MAPK6: variants seen among roughly 807,000 people sequenced by gnomAD.
The protein encoded by MAPK6 is mitogen-activated protein kinase 6, also known as ERK-3.
In MAPK6, 19 loss-of-function variants were observed where a neutral mutation model predicts 59.3. The ratio of observed to expected loss-of-function variants is 0.32; its 90% CI spans 0.22 to 0.47. The LOEUF (loss-of-function observed/expected upper bound fraction) is 0.47. Among genes scored for constraint, MAPK6 ranks in the 20% least tolerant of loss-of-function variants. MAPK6 has a pLI of 1.00. For synonymous variants in MAPK6, 316 were observed against 290.3 expected, an observed-to-expected ratio of 1.09 and a Z score of -0.90; for missense variants, 724 against 847.9, an observed-to-expected ratio of 0.85 and a Z score of 1.81.
rs1330059043 is a variant in MAPK6, at chr15:51,977,211, C to T, written c.-880+5305C>T. Among the ~76,000 whole-genome samples, 7 of 151,482 alleles carry T rather than the reference C, an allele frequency of 4.6e-5. 1 individual carries two copies. Among genetic ancestry groups the T allele is most frequent in the Non-Finnish European group, 1.0e-4 (7 of 67,872 alleles). On this transcript the variant is annotated intron_variant, in intron 1 of 7. Coordinates refer to the MAPK6 transcript ENST00000691380. ...AGAGACGGGATTTCACCATATTGTC[C>T]AGGCTGGTCTCGAGCTCCTGAGCTC...
chr15:52,029,383 A>G (rs1279420668), intron 1 of MAPK6, among the ~76,000 whole-genome samples: 1 of 152,088 alleles, frequency 6.6e-6, no homozygotes, highest in African/African-American at 2.4e-5. Flanking sequence ...CTAAGACAGG[A>G]TAAAACTCCT....
upstream of MAPK6, among the ~76,000 whole-genome samples, chr15:52,016,839 A>G (rs1362732033): frequency 6.6e-6 from 1 of 152,094 alleles, no homozygotes; most frequent in East Asian, 1.9e-4. Flanking sequence ...AGGTCAGGAG[A>G]TCGAGACCAT....
chr15:51,992,287 C>A (rs1430537869), intron 2 of MAPK6, among the ~76,000 whole-genome samples: 1 of 102,428 alleles, frequency 9.8e-6, no homozygotes, highest in South Asian at 3.1e-4. Flanking sequence ...ATCTATCTAT[C>A]TATCTATATA....
intron 2 of MAPK6, among the ~76,000 whole-genome samples, chr15:52,000,748 C>T (rs777758883): frequency 5.3e-5 from 8 of 151,388 alleles, no homozygotes; most frequent in Middle Eastern, 3.4e-3. Context: ...TGCAGTGAGC[C>T]GAGATCACGC....
At chr15:51,998,686 A>AGTTTTTTTTTTTTT (rs2057233091) in intron 2 of MAPK6, among the ~76,000 whole-genome samples, 1 of 12,204 alleles carries the variant, frequency 8.2e-5, no homozygotes, top group African/African-American at 1.4e-4. Context: ...ATGCCTGGTT[A>AGTTTTTTTTTTTTT]ATTTTTTTTT....
chr15:52,054,108 C>G (rs1389973633), intron 3 of MAPK6, among the ~76,000 whole-genome samples: 1 of 151,898 alleles, frequency 6.6e-6, no homozygotes, highest in African/African-American at 2.4e-5. Flanking sequence ...TGGCTCACAC[C>G]TGTAATCCCA....
At chr15:51,971,878 G>T (rs550454993) in exon 1 of MAPK6, 4 of 941,664 alleles carry the variant, frequency 4.2e-6, no homozygotes, top group East Asian at 5.1e-5. Flanking sequence ...CCTAGTTTTC[G>T]CTCGCCCAGT....
intron 5 of MAPK6, 74 bp downstream of exon 5, chr15:52,061,574 AATTATGT>A: frequency 9.1e-7 from 1 of 1,102,208 alleles, no homozygotes; most frequent in Non-Finnish European, 1.3e-6. Flanking sequence ...GTTTTTTTAA[AATTATGT>A]ATAAGACATT....
intron 2 of MAPK6, among the ~76,000 whole-genome samples, chr15:51,992,828 T>C (rs1012812567): frequency 2.0e-5 from 3 of 152,108 alleles, no homozygotes; most frequent in African/African-American, 7.2e-5. Context: ...ATGGAGGAGA[T>C]GCATAGGGCA....
chr15:52,015,464 T>C (rs964215806), upstream of MAPK6, among the ~76,000 whole-genome samples: 2 of 150,952 alleles, frequency 1.3e-5, no homozygotes, highest in East Asian at 2.0e-4. Flanking sequence ...GAAATTTTTA[T>C]AGCCACAGAA....
chr15:52,028,376 C>T (rs549317451), intron 1 of MAPK6, among the ~76,000 whole-genome samples: 24 of 152,078 alleles, frequency 1.6e-4, no homozygotes, highest in African/African-American at 4.8e-4. Flanking sequence ...AGTGAGCCAT[C>T]GCACCCTGCC....
At chr15:52,003,990 G>A (rs1258456308) in intron 2 of MAPK6, among the ~76,000 whole-genome samples, 2 of 152,170 alleles carry the variant, frequency 1.3e-5, no homozygotes, top group Non-Finnish European at 2.9e-5. Flanking sequence ...CTTCTGAGTA[G>A]GTGAAGTCTC....
intron 2 of MAPK6, among the ~76,000 whole-genome samples, chr15:51,986,938 T>C (rs1469807620): frequency 6.6e-6 from 1 of 152,214 alleles, no homozygotes; most frequent in Non-Finnish European, 1.5e-5. Context: ...TATGTGCATG[T>C]TGCCAAAAGA....
chr15:52,038,483 A>G lies in MAPK6; in HGVS notation c.-631-7347A>G, dbSNP rs960667552. On this transcript the variant is annotated intron_variant, in intron 1 of 5. Coordinates refer to ENST00000261845, the MANE Select transcript of MAPK6 (RefSeq NM_002748.4). ...GTCTTACTTTTCTCTGCTACATTGC[A>G]TGTAATTGGTAGAGATGGTGGGTAC... 4.6e-5 allele frequency among the ~76,000 whole-genome samples: 7 copies of G among 152,288 alleles called. No homozygotes were observed. In the East Asian group the frequency reaches 1.3e-3, roughly 29 times the overall value.
chr15:52,038,511 T>C (rs1000864206), intron 1 of MAPK6, among the ~76,000 whole-genome samples: 6 of 152,216 alleles, frequency 3.9e-5, no homozygotes, highest in Middle Eastern at 3.2e-3. Context: ...GTGGGTACTT[T>C]AGCAGCTTGG....
chr15:51,976,080 C>G (rs2057156411), intron 1 of MAPK6, among the ~76,000 whole-genome samples: 2 of 151,460 alleles, frequency 1.3e-5, no homozygotes, highest in Admixed American at 1.3e-4. Context: ...TCCTGGCTAA[C>G]ACGGTGAAAC....
chr15:52,014,440 G>A (rs1431759491), upstream of MAPK6, among the ~76,000 whole-genome samples: 3 of 152,100 alleles, frequency 2.0e-5, no homozygotes, highest in Non-Finnish European at 2.9e-5. Flanking sequence ...CCCAGGTGCG[G>A]TGGCTCATCC....
At position 52,046,946 on chromosome 15, in the gene MAPK6, G is replaced by A. The variant is rs776552712; in HGVS notation, c.486G>A (p.Thr162=). ...DLKPANLFIN[T]EDLVLKIGDF... is the part of the protein sequence containing the mutation. ...AACCAGCTAATCTTTTCATTAATAC[G>A]GAAGACTTGGTGCTGAAGATAGGTG... The change falls in exon 2 of 6, where the codon ACG becomes ACA. Residue 162 remains threonine (T), a synonymous_variant. Transcript: ENST00000261845. The A allele has an allele frequency of 7.4e-6, 12 of 1,612,206 alleles. No individual in the cohort carries two copies. Among genetic ancestry groups the A allele is most frequent in the African/African-American group, 2.7e-5 (2 of 74,808 alleles).
intron 1 of MAPK6, chr15:52,027,846 C>T (rs1489161479): frequency 1.3e-5 from 2 of 151,532 alleles, no homozygotes; most frequent in African/African-American, 4.8e-5. Context: ...GATCTTGGCT[C>T]ACTGCAGCCT....
Sources: allele counts gnomAD v4.1 joint callset (sites outside exome capture counted in the v4.1 genomes callset), GRCh38; gene constraint gnomAD v4.1.1; transcripts MANE v1.5; gene names NCBI Gene and HGNC (gene_info 2026-07-23, HGNC 2026-07-21).